Variants in NPSR1 observed in about 807,000 individuals in gnomAD.
NPSR1 encodes neuropeptide S receptor.
In NPSR1, 48 loss-of-function variants were observed where a neutral mutation model predicts 46.9. The ratio of observed to expected loss-of-function variants is 1.02; its 90% CI spans 0.81 to 1.30. The LOEUF (loss-of-function observed/expected upper bound fraction) is 1.30, where lower values mean the gene tolerates loss of function less well. NPSR1 is among the 50% of genes most tolerant of loss of function. The probability of loss-of-function intolerance (pLI) is 0.00; values close to 1 mark genes in which losing one functional copy is unlikely to be tolerated. For missense variants in NPSR1, 450 were observed against 449.5 expected (o/e 1.00, Z -0.01); for synonymous variants, 176 against 168.1 (o/e 1.05, Z -0.36).
intron 8 of NPSR1, among the ~76,000 whole-genome samples, chr7:34,874,589 C>T (rs1261481946): frequency 2.0e-5 from 3 of 152,142 alleles, no homozygotes; most frequent in South Asian, 2.1e-4. Flanking sequence ...TCAGTTAAAC[C>T]GTGAGACCAT....
chr7:34,832,514 C>CA (rs202063967), intron 5 of NPSR1, among the ~76,000 whole-genome samples: 74 of 149,808 alleles, frequency 4.9e-4, no homozygotes, highest in African/African-American at 1.5e-3. Flanking sequence ...ACCCTGTGTC[C>CA]AAAAAAAAAT....
intron 2 of NPSR1, 25 bp from the exon 3 acceptor site, chr7:34,778,437 G>C: frequency 7.7e-7 from 1 of 1,295,006 alleles, no homozygotes; most frequent in Non-Finnish European, 1.1e-6. Context: ...AACCCTGAAT[G>C]TAAGCACTTG....
chr7:34,744,449 A>G (rs1735362280), intron 2 of NPSR1, among the ~76,000 whole-genome samples: 1 of 152,184 alleles, frequency 6.6e-6, no homozygotes, highest in South Asian at 2.1e-4. Context: ...AAGGGGCAGG[A>G]AGAGCAGAGG....
intron 3 of NPSR1, among the ~76,000 whole-genome samples, chr7:34,781,647 C>A (rs1169819663): frequency 6.6e-6 from 1 of 152,156 alleles, no homozygotes; most frequent in East Asian, 1.9e-4. Context: ...TGTGGCTATA[C>A]CTTCCTCCTA....
chr7:34,793,823 T>C (rs1788047732), intron 3 of NPSR1, among the ~76,000 whole-genome samples: 1 of 152,142 alleles, frequency 6.6e-6, no homozygotes, highest in Non-Finnish European at 1.5e-5. Flanking sequence ...ACAATCTATG[T>C]CCATCAATGG....
chr7:34,700,629 T>A (rs1266873942), intron 2 of NPSR1, among the ~76,000 whole-genome samples: 1 of 152,200 alleles, frequency 6.6e-6, no homozygotes, highest in African/African-American at 2.4e-5. Flanking sequence ...AAATCACTCT[T>A]TGAAACATAA....
intron 1 of NPSR1, among the ~76,000 whole-genome samples, chr7:34,679,632 G>A (rs10241525): frequency 0.18 from 26,941 of 151,872 alleles, 3,497 homozygotes; most frequent in African/African-American, 0.36. Context: ...CTGCTAGTTC[G>A]TTTCACTTAA....
At chr7:34,819,903 A>G (rs1789468624) in intron 4 of NPSR1, among the ~76,000 whole-genome samples, 2 of 152,184 alleles carry the variant, frequency 1.3e-5, no homozygotes, top group Admixed American at 6.5e-5. Context: ...GGGGAACATC[A>G]GACACCGGGG....
chr7:34,677,402 A>G (rs2128678650), intron 1 of NPSR1, among the ~76,000 whole-genome samples: 1 of 152,340 alleles, frequency 6.6e-6, no homozygotes, highest in South Asian at 2.1e-4. Context: ...AAAGGAGAAC[A>G]TGAAAGAGAG....
intron 8 of NPSR1, among the ~76,000 whole-genome samples, chr7:34,872,180 A>G (rs553131995): frequency 1.1e-4 from 16 of 152,096 alleles, no homozygotes; most frequent in Middle Eastern, 3.4e-3. Context: ...GACAACTGCC[A>G]AGGCATGGCT....
chr7:34,865,190 C>T (rs1401208009), intron 8 of NPSR1, among the ~76,000 whole-genome samples: 1 of 151,768 alleles, frequency 6.6e-6, no homozygotes, highest in Admixed American at 6.5e-5. Context: ...CCTCATTGAA[C>T]GGTGATATAA....
At chr7:34,680,369 G>A (rs1346366761) in intron 1 of NPSR1, among the ~76,000 whole-genome samples, 6 of 151,886 alleles carry the variant, frequency 4.0e-5, no homozygotes, top group Admixed American at 3.3e-4. Flanking sequence ...GAAATACAAT[G>A]GTGTAAATGA....
chr7:34,858,535 C>T lies in NPSR1; in HGVS notation c.1025+9872C>T, dbSNP rs1167791293. On this transcript the variant is annotated intron_variant, in intron 8 of 8. Transcript: ENST00000359791. Reference sequence around the variant, plus strand: ...GCACACATAGGTAATTGTATTAGTCCGTTTTTCACACTGCTGATAAAGACA... The same window carrying T: ...GCACACATAGGTAATTGTATTAGTCTGTTTTTCACACTGCTGATAAAGACA... Among the ~76,000 whole-genome samples, 13 of 151,142 alleles carry T rather than the reference C, an allele frequency of 8.6e-5. 1 individual carries two copies. The highest frequency in any genetic ancestry group is 2.1e-4 in the South Asian group (1 of 4,790).
At chr7:34,797,658 A>T (rs879762324) in intron 3 of NPSR1, among the ~76,000 whole-genome samples, 1 of 152,208 alleles carries the variant, frequency 6.6e-6, no homozygotes, top group Non-Finnish European at 1.5e-5. Context: ...GCAAACACCA[A>T]TCCAGAGATC....
intron 7 of NPSR1, among the ~76,000 whole-genome samples, chr7:34,846,022 A>C (rs912143142): frequency 1.3e-5 from 2 of 152,190 alleles, no homozygotes; most frequent in Admixed American, 1.3e-4. Context: ...AACAGACCAC[A>C]TGCAGCATGA....
At chr7:34,833,340 T>A (rs1409548222) in intron 5 of NPSR1, among the ~76,000 whole-genome samples, 1 of 152,236 alleles carries the variant, frequency 6.6e-6, no homozygotes, top group East Asian at 1.9e-4. Context: ...GAAAACTTGC[T>A]GACACTTTTG....
At chr7:34,787,424 T>C (rs1318514495) in intron 3 of NPSR1, among the ~76,000 whole-genome samples, 1 of 152,160 alleles carries the variant, frequency 6.6e-6, no homozygotes, top group African/African-American at 2.4e-5. Flanking sequence ...ACTTTCTCCA[T>C]ATCAGCAGTA....
chr7:34,835,374 T>C (rs1342564232), intron 6 of NPSR1, among the ~76,000 whole-genome samples: 1 of 152,152 alleles, frequency 6.6e-6, no homozygotes, highest in Middle Eastern at 3.2e-3. Flanking sequence ...ACCACAAATA[T>C]CTGGAATAAG....
chr7:34,674,224 T>C (rs1220316112), intron 1 of NPSR1, among the ~76,000 whole-genome samples: 2 of 152,120 alleles, frequency 1.3e-5, no homozygotes, highest in Non-Finnish European at 2.9e-5. Context: ...GAATGACAGA[T>C]TACCAACTGT....
Sources: allele counts gnomAD v4.1 joint callset (sites outside exome capture counted in the v4.1 genomes callset), GRCh38; gene constraint gnomAD v4.1.1; transcripts MANE v1.5; gene names NCBI Gene and HGNC (gene_info 2026-07-23, HGNC 2026-07-21).